Variants in ARHGEF12 observed in about 807,000 individuals in gnomAD.
The protein encoded by ARHGEF12 is Rho guanine nucleotide exchange factor 12, also known as KMT2A/ARHGEF12 fusion protein.
A neutral mutation model predicts 211.2 loss-of-function variants in ARHGEF12; 66 were observed. The observed-to-expected ratio is 0.31, with a 90% CI of 0.26 to 0.38. The LOEUF is 0.38. Among genes scored for constraint, ARHGEF12 ranks in the 10% least tolerant of loss-of-function variants. ARHGEF12 has a pLI of 1.00. For missense variants in ARHGEF12, 1,429 were observed against 1,869.5 expected, an observed-to-expected ratio of 0.76 and a Z score of 4.34; for synonymous variants, 592 against 638.4, an observed-to-expected ratio of 0.93 and a Z score of 1.09.
intron 38 of ARHGEF12, 55 bp from the exon 39 acceptor site, chr11:120,481,205 T>A: frequency 6.6e-7 from 1 of 1,518,070 alleles, no homozygotes; most frequent in Non-Finnish European, 9.1e-7. Flanking sequence ...CTATGCTATT[T>A]CTGTTTTCTA....
chr11:120,480,457 G>T, intron 38 of ARHGEF12, 27 bp downstream of exon 38: 1 of 1,567,302 alleles, frequency 6.4e-7, no homozygotes, highest in South Asian at 1.2e-5. Flanking sequence ...CTTAAACTTT[G>T]ATTTTGATTT....
At chr11:120,373,000 A>G (rs1267015499) in intron 1 of ARHGEF12, among the ~76,000 whole-genome samples, 3 of 148,582 alleles carry the variant, frequency 2.0e-5, no homozygotes, top group East Asian at 3.9e-4. Flanking sequence ...CCGTATTACC[A>G]GTATAATCTA....
At chr11:120,398,392 A>T (rs1944453870) in intron 1 of ARHGEF12, among the ~76,000 whole-genome samples, 1 of 152,190 alleles carries the variant, frequency 6.6e-6, no homozygotes, top group Non-Finnish European at 1.5e-5. Context: ...ATTGTTACTG[A>T]TAAGGGTATA....
chr11:120,447,942 G>A (rs1276322681), intron 19 of ARHGEF12, 36 bp downstream of exon 19: 3 of 1,465,280 alleles, frequency 2.0e-6, no homozygotes, highest in Admixed American at 4.6e-5. Context: ...AGAATTTTAA[G>A]AAAAAAAGAA....
intron 4 of ARHGEF12, among the ~76,000 whole-genome samples, chr11:120,417,505 ATTTTTTTTT>A (rs34950022): frequency 7.6e-6 from 1 of 130,982 alleles, no homozygotes; most frequent in Non-Finnish European, 1.6e-5. Context: ...TAGTCTAATA[ATTTTTTTTT>A]TTTTTTTTTT....
At chr11:120,393,959 T>C (rs1944295705) in intron 1 of ARHGEF12, among the ~76,000 whole-genome samples, 1 of 152,038 alleles carries the variant, frequency 6.6e-6, no homozygotes, top group African/African-American at 2.4e-5. Context: ...AGGATTCAAG[T>C]CATACAAAGT....
intron 1 of ARHGEF12, chr11:120,365,714 C>T (rs1943404386): frequency 6.6e-6 from 1 of 152,142 alleles, no homozygotes; most frequent in African/African-American, 2.4e-5. Context: ...TATGGATTGC[C>T]AGTTGATAGA....
Position 120,458,024 on chromosome 11 carries a change from G to A in ARHGEF12, c.2226-56G>A, listed in dbSNP as rs1946418169. The A allele has an allele frequency of 1.8e-5, 28 of 1,549,604 alleles. No individual in the cohort carries two copies. In the South Asian group the frequency reaches 3.2e-4, roughly 18 times the overall value. ...TTATTGTAATATAAAGATTTGTGCT[G>A]TTTCTCATTGTCCACCTAAAGTCTT... On this transcript the variant is annotated intron_variant, in intron 24 of 40. Coordinates refer to ENST00000397843, the MANE Select transcript of ARHGEF12 (RefSeq NM_015313.3).
At position 120,431,985 on chromosome 11, in the gene ARHGEF12, G is replaced by C. The variant is rs896472078; in HGVS notation, c.924+74G>C. 42 of 1,417,894 alleles carry C rather than the reference G, an allele frequency of 3.0e-5. No individual in the cohort carries two copies. The African/African-American group carries it at 5.5e-4, about 18-fold the overall frequency. The allele number at this position is 1,417,894 out of a possible 1,614,324, so 87.8% of individuals were successfully genotyped here. A position where few individuals can be genotyped will look rare whatever the true frequency, so the allele number is the denominator to read the frequency against. ...AGCCCCTTTCTAGATTTGATTTTAAGTGATGTGAATTAGAGGTGTCTTAGC... is the reference window on the plus strand; with the variant it reads ...AGCCCCTTTCTAGATTTGATTTTAACTGATGTGAATTAGAGGTGTCTTAGC... On this transcript the variant is annotated intron_variant, in intron 11 of 40. Coordinates refer to ENST00000397843, the MANE Select transcript of ARHGEF12 (RefSeq NM_015313.3).
chr11:120,431,816 A>G lies in ARHGEF12; in HGVS notation c.829A>G (p.Thr277Ala), dbSNP rs1945548618. The G allele has an allele frequency of 6.2e-7, 1 of 1,613,884 alleles. No homozygotes were observed. The highest frequency in any genetic ancestry group is 1.3e-5 in the African/African-American group (1 of 74,936). ...CTCCAGACCTTTAGGGGACACCCTA[A>G]CAGTCAGTGAGGCAGAAACAGATCC... Reference protein sequence around the residue: ...TPSRPLGDTLTVSEAETDPGD... With the variant: ...TPSRPLGDTLAVSEAETDPGD... Residue 277 changes from threonine (T) to alanine (A), a missense_variant, in exon 11 of 41, where the codon ACA becomes GCA. By Grantham distance (58) the Thr-to-Ala change is moderately conservative. This residue lies in a region of ARHGEF12 where 254 missense variants were observed against 286.4 expected (regional missense o/e 0.89). Transcript: ENST00000397843.
chr11:120,430,880 C>T (rs1334002300), intron 10 of ARHGEF12, among the ~76,000 whole-genome samples: 4 of 152,018 alleles, frequency 2.6e-5, no homozygotes, highest in African/African-American at 9.7e-5. Context: ...TTTTTCATTA[C>T]CTTCAGTCCC....
chr11:120,435,342 C>T lies in ARHGEF12; in HGVS notation c.925-1966C>T, dbSNP rs1945660752. Among the ~76,000 whole-genome samples, 3 of 152,072 alleles carry T rather than the reference C, an allele frequency of 2.0e-5. No individual in the cohort carries two copies. The South Asian group carries it at 6.2e-4, about 32-fold the overall frequency. On this transcript the variant is annotated intron_variant, in intron 11 of 40. Coordinates refer to ENST00000397843, the MANE Select transcript of ARHGEF12 (RefSeq NM_015313.3). ...AAAACTCCTAGTTAAATCTACAAGT[C>T]TTGATCACATTAGGTTTGATAGTTG...
At chr11:120,475,229 A>C in intron 32 of ARHGEF12, 111 bp from the exon 33 acceptor site, 3 of 1,033,398 alleles carry the variant, frequency 2.9e-6, no homozygotes, top group Non-Finnish European at 4.1e-6. Context: ...TCAATTTTTA[A>C]AATTTTGTAG....
chr11:120,359,878 A>C (rs1376921418), intron 1 of ARHGEF12, among the ~76,000 whole-genome samples: 2 of 152,238 alleles, frequency 1.3e-5, no homozygotes, highest in Non-Finnish European at 2.9e-5. Context: ...AATGTAATTA[A>C]CATTGTTCAG....
intron 4 of ARHGEF12, chr11:120,410,802 T>C (rs1006358902): frequency 6.6e-6 from 1 of 152,136 alleles, no homozygotes; most frequent in Admixed American, 6.5e-5. Flanking sequence ...CCTTCCAGAG[T>C]ATTTTGGCTA....
At chr11:120,453,560 A>G (rs1000589759) in intron 22 of ARHGEF12, among the ~76,000 whole-genome samples, 1 of 152,170 alleles carries the variant, frequency 6.6e-6, no homozygotes, top group Non-Finnish European at 1.5e-5. Context: ...TCTACAAAAA[A>G]TGAAGAAGTC....
At position 120,479,979 on chromosome 11, in the gene ARHGEF12, G is replaced by C. The variant is rs1431811410; in HGVS notation, c.3786G>C (p.Leu1262Phe). 4 of 1,612,208 alleles carry C rather than the reference G, an allele frequency of 2.5e-6. No homozygotes were observed. The highest frequency in any genetic ancestry group is 3.4e-6 in the Non-Finnish European group (4 of 1,178,590). Residue 1262 changes from leucine (L) to phenylalanine (F), a missense_variant, in exon 38 of 41, where the codon TTG becomes TTC. Leu to Phe is a conservative substitution (Grantham distance 22). Around this residue, in one of 7 missense-constraint regions of ARHGEF12, gnomAD observed 467 missense variants for 468.4 expected, o/e 1.00. Coordinates refer to ENST00000397843, the MANE Select transcript of ARHGEF12 (RefSeq NM_015313.3). ...ALRNLGLLKQLLVQQLGLTEK... is the reference protein window; with the variant it reads ...ALRNLGLLKQFLVQQLGLTEK... ...GTTTAGTGGGTTTGTTGAAGCAGTT[G>C]CTGGTGCAACAGCTAGGTTTGACTG...
At chr11:120,431,389 T>A (rs934155470) in intron 10 of ARHGEF12, among the ~76,000 whole-genome samples, 1 of 152,144 alleles carries the variant, frequency 6.6e-6, no homozygotes, top group Non-Finnish European at 1.5e-5. Context: ...ATTGACACTC[T>A]GAAGCATTGG....
intron 2 of ARHGEF12, 100 bp downstream of exon 2, chr11:120,406,241 G>A (rs1944700377): frequency 1.4e-6 from 1 of 707,006 alleles, no homozygotes; most frequent in Admixed American, 3.2e-5. Flanking sequence ...TTTTGAGAAT[G>A]TGTATTCAAG....
Sources: allele counts gnomAD v4.1 joint callset (sites outside exome capture counted in the v4.1 genomes callset), GRCh38; gene constraint gnomAD v4.1.1; regional missense constraint gnomAD v4.1.1; transcripts MANE v1.5; gene names NCBI Gene and HGNC (gene_info 2026-07-23, HGNC 2026-07-21).